The following NRXN3 variants were observed in gnomAD, a reference collection of about 807,000 sequenced individuals.
NRXN3 encodes the protein neurexin 3.
A neutral mutation model predicts 137.6 loss-of-function variants in NRXN3; 32 were observed. The observed-to-expected ratio is 0.23, with a 90% CI of 0.18 to 0.31. NRXN3 has a LOEUF of 0.31. NRXN3 is among the 10% of genes least tolerant of loss of function. The pLI is 1.00. For synonymous variants in NRXN3, 798 were observed against 784.5 expected, an observed-to-expected ratio of 1.02 and a Z score of -0.29; for missense variants, 1,574 against 2,062.5, an observed-to-expected ratio of 0.76 and a Z score of 4.59.
chr14:78,966,137 G>A lies in NRXN3; in HGVS notation c.2508G>A (p.Gln836=). The A allele has an allele frequency of 1.2e-6, 2 of 1,614,180 alleles. No homozygotes were observed. The highest frequency in any genetic ancestry group is 1.7e-6 in the Non-Finnish European group (2 of 1,180,020). The change falls in exon 12 of 21, where the codon CAG becomes CAA. Residue 836 remains glutamine, a synonymous_variant. Transcript: ENST00000335750. ...VVPSSFIGHL[Q]SLMFNGLLYI... ...CCTCCAGCTTTATTGGCCATCTGCAGAGCCTCATGTTTAATGGCCTTCTCT... is the reference window on the plus strand; with the variant it reads ...CCTCCAGCTTTATTGGCCATCTGCAAAGCCTCATGTTTAATGGCCTTCTCT...
At chr14:78,648,433 A>G (rs1196993803) in intron 5 of NRXN3, among the ~76,000 whole-genome samples, 1 of 152,246 alleles carries the variant, frequency 6.6e-6, no homozygotes, top group Non-Finnish European at 1.5e-5. Flanking sequence ...CTTGAAAAGC[A>G]TTGTTCAAGA....
chr14:78,357,741 T>G (rs1489200082), intron 4 of NRXN3, among the ~76,000 whole-genome samples: 1 of 152,214 alleles, frequency 6.6e-6, no homozygotes, highest in Non-Finnish European at 1.5e-5. Flanking sequence ...CCAAAGGGCT[T>G]AACATTGGAT....
chr14:79,101,571 T>C (rs2051307208), intron 15 of NRXN3, among the ~76,000 whole-genome samples: 1 of 152,134 alleles, frequency 6.6e-6, no homozygotes, highest in Non-Finnish European at 1.5e-5. Context: ...GTGTGTTCAG[T>C]GATGTGTGGT....
chr14:78,764,954 T>C (rs2098704111), intron 8 of NRXN3, among the ~76,000 whole-genome samples: 1 of 152,142 alleles, frequency 6.6e-6, no homozygotes, highest in Non-Finnish European at 1.5e-5. Context: ...AATTCATAAA[T>C]CTTATGTAAA....
intron 15 of NRXN3, among the ~76,000 whole-genome samples, chr14:79,315,111 A>G (rs2088260649): frequency 6.6e-6 from 1 of 152,124 alleles, no homozygotes; most frequent in African/African-American, 2.4e-5. Flanking sequence ...CCCTCATTGT[A>G]CTTCTTTTAT....
intron 15 of NRXN3, among the ~76,000 whole-genome samples, chr14:79,462,354 C>G (rs2096356549): frequency 6.6e-6 from 1 of 151,734 alleles, no homozygotes; most frequent in Non-Finnish European, 1.5e-5. Context: ...GCCTGGGTGA[C>G]AAGAGCAAAA....
intron 1 of NRXN3, among the ~76,000 whole-genome samples, chr14:78,213,170 T>C (rs927448060): frequency 2.6e-5 from 4 of 152,156 alleles, no homozygotes; most frequent in Non-Finnish European, 5.9e-5. Flanking sequence ...GGTAGCATGC[T>C]ACAAGAAAGG....
At chr14:79,853,239 C>T (rs927528097) in intron 20 of NRXN3, among the ~76,000 whole-genome samples, 1 of 152,088 alleles carries the variant, frequency 6.6e-6, no homozygotes, top group African/African-American at 2.4e-5. Context: ...GTGTGGCTGC[C>T]GATGAAGTTG....
At chr14:79,783,344 G>T (rs767655338) in intron 19 of NRXN3, among the ~76,000 whole-genome samples, 41 of 152,188 alleles carry the variant, frequency 2.7e-4, no homozygotes, top group Non-Finnish European at 4.3e-4. Flanking sequence ...CTGTTATTAC[G>T]TGGGAAAATA....
At chr14:78,284,566 T>C (rs2074896618) in intron 3 of NRXN3, among the ~76,000 whole-genome samples, 2 of 152,204 alleles carry the variant, frequency 1.3e-5, no homozygotes, top group Non-Finnish European at 2.9e-5. Flanking sequence ...ATTTGATCCT[T>C]TAAGCACATG....
At chr14:78,226,888 G>A (rs2064744987) in intron 1 of NRXN3, among the ~76,000 whole-genome samples, 1 of 152,184 alleles carries the variant, frequency 6.6e-6, no homozygotes, top group South Asian at 2.1e-4. Context: ...AGATGAGAAG[G>A]TTTGATATTA....
chr14:79,519,708 G>A (rs530512424), intron 16 of NRXN3, among the ~76,000 whole-genome samples: 6 of 150,668 alleles, frequency 4.0e-5, no homozygotes, highest in South Asian at 2.1e-4. Context: ...TTCTGTTTCC[G>A]ATCTTGTTGT....
intron 10 of NRXN3, among the ~76,000 whole-genome samples, chr14:78,923,403 A>C (rs1437871358): frequency 6.6e-6 from 1 of 152,238 alleles, no homozygotes; most frequent in Admixed American, 6.5e-5. Flanking sequence ...GAAATGAAAA[A>C]AGGAGGTTGG....
At chr14:79,703,668 C>CT (rs2098764300) in intron 19 of NRXN3, among the ~76,000 whole-genome samples, 1 of 151,958 alleles carries the variant, frequency 6.6e-6, no homozygotes, top group Admixed American at 6.6e-5. Flanking sequence ...GTCCCTCCCT[C>CT]TACATGTGCG....
intron 8 of NRXN3, among the ~76,000 whole-genome samples, chr14:78,799,135 T>G (rs774423469): frequency 6.6e-6 from 1 of 152,228 alleles, no homozygotes; most frequent in Non-Finnish European, 1.5e-5. Context: ...AAAGTGGGTT[T>G]TTCTTTTCTA....
chr14:79,594,434 A>T (rs1361345158), intron 16 of NRXN3, among the ~76,000 whole-genome samples: 1 of 152,192 alleles, frequency 6.6e-6, no homozygotes, highest in Non-Finnish European at 1.5e-5. Flanking sequence ...GAATTACAGT[A>T]CTAGAGATAC....
chr14:78,568,931 A>C (rs920911854), intron 4 of NRXN3, among the ~76,000 whole-genome samples: 1 of 147,488 alleles, frequency 6.8e-6, no homozygotes, highest in Non-Finnish European at 1.5e-5. Context: ...CTGATTCAGC[A>C]GGTCTGTGGT....
rs147411961 is a variant in NRXN3 at position 78,605,039 on chromosome 14, G to T, written c.758-40081G>T. On this transcript the variant is annotated intron_variant, in intron 4 of 20. Transcript: ENST00000335750. ...GTCACATTCAAAGATTTTTCTCAGA[G>T]AAATTTTCCTAAAGGCATGATTCTA... is the stretch of plus-strand genomic sequence containing the variant. Among the ~76,000 whole-genome samples, 199 of 152,226 alleles carry T rather than the reference G, an allele frequency of 1.3e-3. 1 individual carries two copies. The highest frequency in any genetic ancestry group is 4.6e-3 in the African/African-American group (190 of 41,538).
At chr14:79,358,645 G>GAAAGAAAGAAAA (rs1285249774) in intron 15 of NRXN3, among the ~76,000 whole-genome samples, 1 of 150,730 alleles carries the variant, frequency 6.6e-6, no homozygotes, top group Non-Finnish European at 1.5e-5. Flanking sequence ...AAGAAAGAAA[G>GAAAGAAAGAAAA]AAAGAAAGAA....
Sources: gnomAD v4.1 joint callset for allele counts (sites outside exome capture counted in the v4.1 genomes callset) on GRCh38, gnomAD v4.1.1 for gene constraint, MANE v1.5 for transcripts, NCBI Gene and HGNC (gene_info 2026-07-23, HGNC 2026-07-21) for gene names.